RORA: variants seen among roughly 807,000 people sequenced by gnomAD.
The protein encoded by RORA is nuclear receptor ROR-alpha.
In RORA, 7 loss-of-function variants were observed where a neutral mutation model predicts 69.5. The observed-to-expected ratio is 0.10, with a 90% CI of 0.06 to 0.19. The LOEUF is 0.19. RORA is among the 10% of genes least tolerant of loss of function. The pLI is 1.00. For missense variants in RORA, 457 were observed against 663.0 expected (o/e 0.69, Z 3.41); for synonymous variants, 261 against 240.8 (o/e 1.08, Z -0.78).
intron 3 of RORA, among the ~76,000 whole-genome samples, chr15:60,517,965 T>C (rs1376236680): frequency 6.6e-6 from 1 of 152,236 alleles, no homozygotes. Context: ...CACCTTTCTT[T>C]CTAGGCTCTT....
intron 1 of RORA, among the ~76,000 whole-genome samples, chr15:60,845,759 T>G (rs114317852): frequency 0.023 from 3,432 of 152,322 alleles, 132 homozygotes; most frequent in African/African-American, 0.078. Context: ...TTTTGTTTGC[T>G]TGTTTGAGAT....
chr15:60,560,113 T>A (rs958810977), intron 2 of RORA, among the ~76,000 whole-genome samples: 1 of 152,186 alleles, frequency 6.6e-6, no homozygotes, highest in Non-Finnish European at 1.5e-5. Context: ...CTCCTTATTT[T>A]GCTCCCTATG....
chr15:60,822,052 G>A (rs1372210543), intron 1 of RORA, among the ~76,000 whole-genome samples: 3 of 152,202 alleles, frequency 2.0e-5, no homozygotes, highest in Non-Finnish European at 4.4e-5. Flanking sequence ...ACACTGTGTA[G>A]TCCAAACCCT....
intron 2 of RORA, among the ~76,000 whole-genome samples, chr15:60,676,460 C>T (rs1040605777): frequency 6.6e-6 from 1 of 152,152 alleles, no homozygotes; most frequent in Non-Finnish European, 1.5e-5. Context: ...TTATTCTGGG[C>T]CCTCTCCCCC....
intron 1 of RORA, among the ~76,000 whole-genome samples, chr15:61,181,012 G>A (rs1252268120): frequency 6.6e-6 from 1 of 151,236 alleles, no homozygotes; most frequent in African/African-American, 2.4e-5. Context: ...GCTGAGGTAG[G>A]AGAATCGTTT....
chr15:61,003,013 G>A (rs1182887686), intron 1 of RORA, among the ~76,000 whole-genome samples: 12 of 150,244 alleles, frequency 8.0e-5, no homozygotes, highest in African/African-American at 2.7e-4. Context: ...GTGTGGTGGC[G>A]GGCGCCTGTA....
At chr15:60,634,841 T>C (rs74322944) in intron 2 of RORA, among the ~76,000 whole-genome samples, 4,261 of 152,280 alleles carry the variant, frequency 0.028, 203 homozygotes, top group African/African-American at 0.097. Flanking sequence ...GATGTGATTG[T>C]TTTTTCAGCC....
At position 60,522,134 on chromosome 15, in the gene RORA, G is replaced by A. The variant is rs374513527; in HGVS notation, c.283-7377C>T. On this transcript the variant is annotated intron_variant, in intron 3 of 10. Transcript: ENST00000335670. ...GTTATTAAGGCTAGTTATTAAATCT[G>A]TTATTACACATTAACTGATGCATTC... Among the ~76,000 whole-genome samples, 7 of 152,214 alleles carry A rather than the reference G, an allele frequency of 4.6e-5. No individual in the cohort carries two copies. In the East Asian group the frequency reaches 1.2e-3, roughly 25 times the overall value.
intron 1 of RORA, among the ~76,000 whole-genome samples, chr15:60,689,870 C>T (rs2070797529): frequency 6.6e-6 from 1 of 152,132 alleles, no homozygotes; most frequent in Non-Finnish European, 1.5e-5. Context: ...GAACTTCTTC[C>T]CTAAAGCCTT....
At chr15:61,006,785 C>T (rs948730055) in intron 1 of RORA, among the ~76,000 whole-genome samples, 1 of 152,094 alleles carries the variant, frequency 6.6e-6, no homozygotes, top group African/African-American at 2.4e-5. Flanking sequence ...CTGACTGTCC[C>T]TACTCTCGTA....
chr15:60,591,584 C>A (rs1321737021), intron 2 of RORA, among the ~76,000 whole-genome samples: 1 of 152,066 alleles, frequency 6.6e-6, no homozygotes, highest in Non-Finnish European at 1.5e-5. Flanking sequence ...CAGGATTGGC[C>A]GCGACTAACC....
intron 1 of RORA, among the ~76,000 whole-genome samples, chr15:61,190,757 A>G (rs1359628847): frequency 6.6e-6 from 1 of 152,236 alleles, no homozygotes; most frequent in Non-Finnish European, 1.5e-5. Flanking sequence ...CAAAAAAAGA[A>G]AAGAAAAGAA....
intron 1 of RORA, among the ~76,000 whole-genome samples, chr15:60,696,659 C>T (rs930291483): frequency 1.3e-5 from 2 of 152,116 alleles, no homozygotes. Context: ...TGCAATGTAT[C>T]CTGGCTTCAT....
chr15:60,595,555 A>C (rs2068648198), intron 2 of RORA, among the ~76,000 whole-genome samples: 1 of 152,132 alleles, frequency 6.6e-6, no homozygotes, highest in South Asian at 2.1e-4. Flanking sequence ...ATACAATAAA[A>C]TATTAAAATG....
intron 1 of RORA, among the ~76,000 whole-genome samples, chr15:61,209,717 G>A (rs1466831644): frequency 2.0e-5 from 3 of 152,206 alleles, no homozygotes; most frequent in East Asian, 3.9e-4. Context: ...GTACAGTTGT[G>A]CAGACCTCTG....
chr15:60,982,787 A>C (rs183662921), intron 1 of RORA, among the ~76,000 whole-genome samples: 1 of 152,176 alleles, frequency 6.6e-6, no homozygotes, highest in Non-Finnish European at 1.5e-5. Context: ...GAGTACTTCA[A>C]GTATTTGGTT....
chr15:60,700,795 C>A (rs1362538304), intron 1 of RORA, among the ~76,000 whole-genome samples: 1 of 152,130 alleles, frequency 6.6e-6, no homozygotes, highest in African/African-American at 2.4e-5. Context: ...TGAGCTAATT[C>A]CCATTTATCC....
chr15:60,596,257 T>G (rs1457711652), intron 2 of RORA, among the ~76,000 whole-genome samples: 1 of 152,136 alleles, frequency 6.6e-6, no homozygotes, highest in African/African-American at 2.4e-5. Flanking sequence ...AGTTTGCTGA[T>G]GCATGTGAGG....
chr15:60,946,070 G>C (rs1035760426), intron 1 of RORA, among the ~76,000 whole-genome samples: 6 of 152,126 alleles, frequency 3.9e-5, no homozygotes, highest in Non-Finnish European at 5.9e-5. Flanking sequence ...TGCATTCCAA[G>C]GGGAGAGTGA....
Sources: gnomAD v4.1 joint callset for allele counts (sites outside exome capture counted in the v4.1 genomes callset) on GRCh38, gnomAD v4.1.1 for gene constraint, MANE v1.5 for transcripts, NCBI Gene and HGNC (gene_info 2026-07-23, HGNC 2026-07-21) for gene names.